The following BICRA variants were observed in gnomAD, a reference collection of about 807,000 sequenced individuals.
BICRA encodes the protein BRD4-interacting chromatin-remodeling complex-associated protein.
A neutral mutation model predicts 96.9 loss-of-function variants in BICRA; 31 were observed. The ratio of observed to expected loss-of-function variants is 0.32; its 90% CI spans 0.24 to 0.43. The LOEUF (loss-of-function observed/expected upper bound fraction) is 0.43, where lower values mean the gene tolerates loss of function less well. Ranked by LOEUF, BICRA falls within the 20% of genes least tolerant of loss-of-function variation. The pLI is 1.00. For synonymous variants in BICRA, 1,350 were observed against 1,071.8 expected (o/e 1.26, Z -5.07); for missense variants, 2,283 against 2,190.3 (o/e 1.04, Z -0.84).
At chr19:47,692,381 C>T (rs1973254633) in intron 7 of BICRA, among the ~76,000 whole-genome samples, 1 of 152,162 alleles carries the variant, frequency 6.6e-6, no homozygotes, top group South Asian at 2.1e-4. Flanking sequence ...TGCATGCCAC[C>T]ATGCCCGGCT....
intron 7 of BICRA, among the ~76,000 whole-genome samples, chr19:47,686,157 C>G (rs1973155657): frequency 6.6e-6 from 1 of 152,112 alleles, no homozygotes; most frequent in Admixed American, 6.5e-5. Flanking sequence ...TCTTGAACTC[C>G]TTACCTCAGG....
In BICRA at chr19:47,702,803, A is replaced by C; in HGVS notation, c.*388A>C. The C allele has an allele frequency of 4.2e-6, 1 of 237,914 alleles. No individual in the cohort carries two copies. Among genetic ancestry groups the C allele is most frequent in the Non-Finnish European group, 8.1e-6 (1 of 123,860 alleles). The allele number at this position is 237,914 out of a possible 1,614,324, so 14.7% of individuals were successfully genotyped here. On this transcript the variant is annotated 3_prime_UTR_variant, in exon 15 of 15. Transcript: ENST00000594866. ...CTGTCTTGTCTGTGTGGCTTCTCAGATGGTGGAGGGTGCTGGGAGCTGGCA... is the reference window on the plus strand; with the variant it reads ...CTGTCTTGTCTGTGTGGCTTCTCAGCTGGTGGAGGGTGCTGGGAGCTGGCA...
chr19:47,633,846 C>A (rs545431235), intron 1 of BICRA, among the ~76,000 whole-genome samples: 1 of 152,224 alleles, frequency 6.6e-6, no homozygotes, highest in African/African-American at 2.4e-5. Flanking sequence ...TTATTGAGCT[C>A]CATCTGAATA....
chr19:47,697,012 G>GC (rs576866844), intron 11 of BICRA, among the ~76,000 whole-genome samples: 153 of 9,434 alleles, frequency 0.016, no homozygotes, highest in African/African-American at 0.031. Flanking sequence ...TTTTGTTTTA[G>GC]GGGGGGTTCT....
At chr19:47,626,548 C>T (rs567286123) in intron 1 of BICRA, among the ~76,000 whole-genome samples, 1 of 151,348 alleles carries the variant, frequency 6.6e-6, no homozygotes, top group South Asian at 2.1e-4. Flanking sequence ...AGTCATGTGC[C>T]ACCATGGCCC....
intron 7 of BICRA, among the ~76,000 whole-genome samples, chr19:47,691,245 G>A (rs1014455386): frequency 3.9e-5 from 6 of 152,210 alleles, no homozygotes; most frequent in African/African-American, 7.2e-5. Flanking sequence ...TTGGCTTCCC[G>A]CAAAGTGAGT....
intron 1 of BICRA, among the ~76,000 whole-genome samples, chr19:47,655,851 A>G (rs1373976894): frequency 6.7e-6 from 1 of 149,448 alleles, no homozygotes; most frequent in East Asian, 2.0e-4. Flanking sequence ...GCGAGACTCC[A>G]TCTCAAAAAA....
intron 1 of BICRA, among the ~76,000 whole-genome samples, chr19:47,664,497 G>A (rs1972746853): frequency 6.6e-6 from 1 of 152,194 alleles, no homozygotes; most frequent in African/African-American, 2.4e-5. Flanking sequence ...CTGGTCCCAT[G>A]GTGCGATCTG....
intron 1 of BICRA, among the ~76,000 whole-genome samples, chr19:47,617,223 C>T (rs1168959754): frequency 6.6e-6 from 1 of 152,144 alleles, no homozygotes; most frequent in Non-Finnish European, 1.5e-5. Context: ...AGTCCTCCGA[C>T]TTTGGCCTCC....
chr19:47,685,799 G>GCGCGCGCGCGCGCACGCA (rs141802949), intron 7 of BICRA, among the ~76,000 whole-genome samples: 2 of 148,734 alleles, frequency 1.3e-5, no homozygotes, highest in Non-Finnish European at 3.0e-5. Flanking sequence ...GCGCGCGCGC[G>GCGCGCGCGCGCGCACGCA]CATGCGTACA....
intron 8 of BICRA, 36 bp from the exon 9 acceptor site, chr19:47,694,864 T>C: frequency 6.9e-7 from 1 of 1,449,732 alleles, no homozygotes; most frequent in Non-Finnish European, 9.2e-7. Context: ...ACCTAGCCTA[T>C]GTTCCCCACC....
intron 7 of BICRA, among the ~76,000 whole-genome samples, chr19:47,685,557 G>A (rs1973132056): frequency 6.6e-6 from 1 of 152,136 alleles, no homozygotes; most frequent in Non-Finnish European, 1.5e-5. Flanking sequence ...CCCCTGGTGG[G>A]GACAGAATCA....
At chr19:47,651,278 C>T (rs577412551) in intron 1 of BICRA, among the ~76,000 whole-genome samples, 130 of 152,184 alleles carry the variant, frequency 8.5e-4, no homozygotes, top group Non-Finnish European at 1.7e-3. Context: ...TGTCTGACCT[C>T]GCCTCTCCTG....
At chr19:47,617,085 C>T (rs937953266) in intron 1 of BICRA, among the ~76,000 whole-genome samples, 1 of 38,054 alleles carries the variant, frequency 2.6e-5, no homozygotes, top group Non-Finnish European at 6.3e-5. Flanking sequence ...GCCTCAGCTT[C>T]CCAAAGTGCT....
chr19:47,623,327 C>T (rs1481281968), intron 1 of BICRA, among the ~76,000 whole-genome samples: 1 of 152,136 alleles, frequency 6.6e-6, no homozygotes, highest in African/African-American at 2.4e-5. Flanking sequence ...ACCTGTCCCT[C>T]CCTGCTGCTC....
At chr19:47,677,063 G>T (rs1487688193) in intron 5 of BICRA, among the ~76,000 whole-genome samples, 1 of 152,162 alleles carries the variant, frequency 6.6e-6, no homozygotes, top group Admixed American at 6.5e-5. Context: ...CTCACCAGTG[G>T]TTGACCCAGG....
intron 1 of BICRA, among the ~76,000 whole-genome samples, chr19:47,639,618 G>A (rs1037150980): frequency 5.1e-5 from 7 of 136,140 alleles, no homozygotes; most frequent in African/African-American, 1.7e-4. Flanking sequence ...GTGAGCCACC[G>A]CGGCCAGCCA....
At chr19:47,676,741 A>C (rs1405831148) in intron 5 of BICRA, among the ~76,000 whole-genome samples, 1 of 151,616 alleles carries the variant, frequency 6.6e-6, no homozygotes, top group Non-Finnish European at 1.5e-5. Flanking sequence ...TATCTTTCAT[A>C]ATATAAATGA....
intron 1 of BICRA, among the ~76,000 whole-genome samples, chr19:47,643,874 TG>T (rs939725132): frequency 1.3e-5 from 2 of 152,016 alleles, no homozygotes; most frequent in African/African-American, 4.8e-5. Flanking sequence ...ACCACTGACC[TG>T]GGGGGGTTAA....
Sources: allele counts gnomAD v4.1 joint callset (sites outside exome capture counted in the v4.1 genomes callset), GRCh38; gene constraint gnomAD v4.1.1; transcripts MANE v1.5; gene names NCBI Gene and HGNC (gene_info 2026-07-23, HGNC 2026-07-21).